The following SEMA6D variants were observed in gnomAD, a reference collection of about 807,000 sequenced individuals.
The protein encoded by SEMA6D is semaphorin-6D.
A neutral mutation model predicts 106.6 loss-of-function variants in SEMA6D; 35 were observed. The observed-to-expected ratio is 0.33, with a 90% CI of 0.25 to 0.44. The LOEUF is 0.44. Among genes scored for constraint, SEMA6D ranks in the 20% least tolerant of loss-of-function variants. The pLI, the probability that SEMA6D is intolerant of heterozygous loss-of-function variation, is 1.00. For missense variants in SEMA6D, 1,185 were observed against 1,345.9 expected (o/e 0.88, Z 1.87); for synonymous variants, 499 against 487.7 (o/e 1.02, Z -0.31).
chr15:47,493,729 GAGGTGAGGA>G (rs1179280078), intron 3 of SEMA6D, among the ~76,000 whole-genome samples: 1 of 152,066 alleles, frequency 6.6e-6, no homozygotes, highest in Non-Finnish European at 1.5e-5. Flanking sequence ...CTCTTGTATA[GAGGTGAGGA>G]AACTGAAGCT....
intron 1 of SEMA6D, among the ~76,000 whole-genome samples, chr15:47,315,721 G>T (rs1032785622): frequency 1.3e-5 from 2 of 152,100 alleles, no homozygotes; most frequent in African/African-American, 2.4e-5. Context: ...GAGTCTTTCT[G>T]TCCTTGAATA....
At chr15:47,468,000 A>G (rs555543131) in intron 2 of SEMA6D, among the ~76,000 whole-genome samples, 4 of 152,186 alleles carry the variant, frequency 2.6e-5, no homozygotes, top group African/African-American at 4.8e-5. Flanking sequence ...TTAATGTCAC[A>G]GTGCTTGGTG....
At chr15:47,351,968 T>G (rs1595798497) in intron 1 of SEMA6D, among the ~76,000 whole-genome samples, 3 of 152,172 alleles carry the variant, frequency 2.0e-5, no homozygotes, top group African/African-American at 7.2e-5. Context: ...AAGAGGATTT[T>G]AAAATCTGTT....
intron 4 of SEMA6D, among the ~76,000 whole-genome samples, chr15:47,689,762 A>T (rs577108531): frequency 2.0e-5 from 3 of 152,158 alleles, no homozygotes; most frequent in Non-Finnish European, 4.4e-5. Flanking sequence ...TTTCAGAGCA[A>T]AGTTCTTACT....
chr15:47,262,140 A>G (rs1305546555), intron 1 of SEMA6D, among the ~76,000 whole-genome samples: 1 of 152,168 alleles, frequency 6.6e-6, no homozygotes, highest in Non-Finnish European at 1.5e-5. Context: ...GGTAAAAAAA[A>G]TCTCTACGAG....
At chr15:47,470,522 T>A (rs1166213993) in exon 3 of SEMA6D, 2 of 152,106 alleles carry the variant, frequency 1.3e-5, no homozygotes, top group Admixed American at 1.3e-4. Context: ...CCTGAAGCCC[T>A]CTGGAAGCCC....
intron 4 of SEMA6D, among the ~76,000 whole-genome samples, chr15:47,688,465 CTTCA>C (rs148074669): frequency 0.012 from 1,839 of 152,232 alleles, 41 homozygotes; most frequent in African/African-American, 0.042. Flanking sequence ...ATTATTATGT[CTTCA>C]TTCATTCAAC....
At chr15:47,617,593 A>G (rs1052789205) in intron 4 of SEMA6D, among the ~76,000 whole-genome samples, 1 of 152,182 alleles carries the variant, frequency 6.6e-6, no homozygotes, top group Non-Finnish European at 1.5e-5. Context: ...TTTAGAACAT[A>G]CAGGAATGTT....
At chr15:47,610,647 C>T (rs1226852690) in intron 4 of SEMA6D, among the ~76,000 whole-genome samples, 1 of 152,182 alleles carries the variant, frequency 6.6e-6, no homozygotes, top group East Asian at 1.9e-4. Context: ...ATATCTCACT[C>T]ATTCGGAGTA....
Position 47,771,792 on chromosome 15 carries a change from A to T in SEMA6D, c.*7A>T. The T allele has an allele frequency of 6.2e-7, 1 of 1,608,474 alleles. No individual in the cohort carries two copies. The highest frequency in any genetic ancestry group is 8.5e-7 in the Non-Finnish European group (1 of 1,177,000). ...GAACAAATACACATACTAGGCCTCA[A>T]GTGTGCTATTCCCATGTGGCTTTAT... On this transcript the variant is annotated 3_prime_UTR_variant, in exon 19 of 19. Coordinates refer to ENST00000536845, the MANE Select transcript of SEMA6D (RefSeq NM_001358351.3).
chr15:47,433,194 G>T (rs1032301998), intron 2 of SEMA6D, among the ~76,000 whole-genome samples: 1 of 151,970 alleles, frequency 6.6e-6, no homozygotes, highest in East Asian at 1.9e-4. Context: ...TAATTATGTT[G>T]TTAATTTCTG....
At chr15:47,689,092 A>G (rs1161553542) in intron 4 of SEMA6D, among the ~76,000 whole-genome samples, 1 of 152,246 alleles carries the variant, frequency 6.6e-6, no homozygotes, top group East Asian at 1.9e-4. Context: ...TGGATCATAC[A>G]GTAATGCCCT....
At chr15:47,768,418 TGAAAG>T (rs1404632600) in intron 17 of SEMA6D, among the ~76,000 whole-genome samples, 158 bp from the exon 18 acceptor site, 7 of 152,240 alleles carry the variant, frequency 4.6e-5, no homozygotes, top group South Asian at 2.1e-4. Context: ...ATTCTTCCCT[TGAAAG>T]GAAGGAATTT....
At chr15:47,752,317 A>G (rs1429662833) in intron 1 of SEMA6D, among the ~76,000 whole-genome samples, 1 of 152,358 alleles carries the variant, frequency 6.6e-6, no homozygotes, top group Admixed American at 6.5e-5. Context: ...TGAACTGTCA[A>G]CTGCTTCTAA....
chr15:47,299,220 A>G (rs1323309424), intron 1 of SEMA6D, among the ~76,000 whole-genome samples: 15 of 152,170 alleles, frequency 9.9e-5, no homozygotes, highest in Non-Finnish European at 1.3e-4. Context: ...AACCGACAAG[A>G]CACACCATTG....
At chr15:47,631,246 T>C (rs967380779) in intron 4 of SEMA6D, among the ~76,000 whole-genome samples, 8 of 151,908 alleles carry the variant, frequency 5.3e-5, no homozygotes, top group Admixed American at 5.2e-4. Flanking sequence ...AGGGAGCTTT[T>C]AAATTTTTCC....
At chr15:47,215,962 A>G (rs985164320) in intron 1 of SEMA6D, among the ~76,000 whole-genome samples, 3 of 152,178 alleles carry the variant, frequency 2.0e-5, no homozygotes, top group East Asian at 1.9e-4. Context: ...TTAAAATTAT[A>G]GAATCAGACA....
chr15:47,184,380 A>G lies in SEMA6D; in HGVS notation c.-277A>G, dbSNP rs535538867. 2.6e-5 allele frequency: 4 copies of G among 152,526 alleles called. No homozygotes were observed. In the South Asian group the frequency reaches 8.3e-4, roughly 32 times the overall value. 9.4% of individuals were successfully genotyped at this position (152,526 alleles called of 1,614,324 possible). Reference sequence around the variant, plus strand: ...GGCCCGCGGTGCTAGACACCTGCCGAGTCCGAAGCGGGAGTCAGGCTGAGC... The same window carrying G: ...GGCCCGCGGTGCTAGACACCTGCCGGGTCCGAAGCGGGAGTCAGGCTGAGC... On this transcript the variant is annotated 5_prime_UTR_variant, in exon 1 of 20. Coordinates refer to the SEMA6D transcript ENST00000558014.
chr15:47,620,578 C>A (rs1456770299), intron 4 of SEMA6D, among the ~76,000 whole-genome samples: 1 of 152,082 alleles, frequency 6.6e-6, no homozygotes, highest in South Asian at 2.1e-4. Flanking sequence ...GCTGACACTC[C>A]GTATATTCAT....
Sources: allele counts gnomAD v4.1 joint callset (sites outside exome capture counted in the v4.1 genomes callset), GRCh38; gene constraint gnomAD v4.1.1; transcripts MANE v1.5; gene names NCBI Gene and HGNC (gene_info 2026-07-23, HGNC 2026-07-21).